Variants in FOXO3 observed in about 807,000 individuals in gnomAD.
The protein encoded by FOXO3 is forkhead box protein O3.
A neutral mutation model predicts 41.9 loss-of-function variants in FOXO3; 4 were observed. The observed-to-expected ratio is 0.10, with a 90% CI of 0.05 to 0.22. The LOEUF (loss-of-function observed/expected upper bound fraction) is 0.22, where lower values mean the gene tolerates loss of function less well. FOXO3 is among the 10% of genes least tolerant of loss of function. FOXO3 has a pLI of 1.00. For missense variants in FOXO3, 534 were observed against 906.8 expected, an observed-to-expected ratio of 0.59 and a Z score of 5.28; for synonymous variants, 318 against 389.3, an observed-to-expected ratio of 0.82 and a Z score of 2.16.
In FOXO3 at chr6:108,599,398, T is replaced by G. The variant is rs550293399; in HGVS notation, c.621+37569T>G. Reference sequence around the variant, plus strand: ...TTTGTGGATTTATATTTTGAATACATTATTTCTTATTTGAACGGTGCTCAA... The same window carrying G: ...TTTGTGGATTTATATTTTGAATACAGTATTTCTTATTTGAACGGTGCTCAA... On this transcript the variant is annotated intron_variant, in intron 1 of 2. Transcript: ENST00000406360. Among the ~76,000 whole-genome samples the G allele has an allele frequency of 1.1e-4, 17 of 152,360 alleles. No homozygotes were observed. In the South Asian group the frequency reaches 3.3e-3, roughly 30 times the overall value.
At chr6:108,624,728 C>T (rs922623067) in intron 1 of FOXO3, among the ~76,000 whole-genome samples, 6 of 152,030 alleles carry the variant, frequency 3.9e-5, no homozygotes, top group Non-Finnish European at 5.9e-5. Context: ...ATTACAAGTG[C>T]ATTCTTAACT....
chr6:108,620,851 T>C (rs1777645902), intron 1 of FOXO3, among the ~76,000 whole-genome samples: 1 of 152,206 alleles, frequency 6.6e-6, no homozygotes, highest in Non-Finnish European at 1.5e-5. Flanking sequence ...GGTGTTTTTA[T>C]TGAATAGTGT....
chr6:108,587,865 T>C (rs1052206916), intron 1 of FOXO3, among the ~76,000 whole-genome samples: 1 of 152,254 alleles, frequency 6.6e-6, no homozygotes, highest in Non-Finnish European at 1.5e-5. Flanking sequence ...AATATTTTTA[T>C]AGAAAACTTA....
intron 1 of FOXO3, among the ~76,000 whole-genome samples, chr6:108,571,179 A>G (rs1027754906): frequency 6.6e-6 from 1 of 152,242 alleles, no homozygotes; most frequent in African/African-American, 2.4e-5. Flanking sequence ...ATGTATGTAT[A>G]TTGCTCTCAG....
intron 1 of FOXO3, among the ~76,000 whole-genome samples, chr6:108,655,101 A>G (rs1011847264): frequency 4.6e-5 from 7 of 152,176 alleles, no homozygotes; most frequent in East Asian, 1.9e-4. Context: ...TTCTTTGGCT[A>G]TATCAATTCC....
Position 108,561,039 on chromosome 6 carries a change from G to GC in FOXO3, c.-167dup. On this transcript the variant is annotated 5_prime_UTR_variant, in exon 1 of 3. Coordinates refer to ENST00000406360, the MANE Select transcript of FOXO3 (RefSeq NM_001455.4). ...AGGACTCGCCGAGGACGGGGCTCCG[G>GC]CCCGGGATAACCAACTCTCCTTCTC... The GC allele has an allele frequency of 7.2e-7, 1 of 1,395,428 alleles. No homozygotes were observed. 86.4% of individuals were successfully genotyped at this position (1,395,428 alleles called of 1,614,324 possible).
chr6:108,677,488 G>GA (rs1455508361), intron 2 of FOXO3, among the ~76,000 whole-genome samples: 6 of 152,166 alleles, frequency 3.9e-5, no homozygotes, highest in African/African-American at 1.4e-4. Context: ...TGTACTTGGG[G>GA]AATGAAGTGT....
chr6:108,674,799 G>A (rs192996470), intron 2 of FOXO3, among the ~76,000 whole-genome samples: 37 of 152,122 alleles, frequency 2.4e-4, no homozygotes, highest in African/African-American at 4.8e-5. Context: ...ACCAGCTAAG[G>A]GTTTTGGATA....
rs189385071 is a variant in FOXO3, at chr6:108,573,014, C to T, written c.621+11185C>T. Among the ~76,000 whole-genome samples, 45 of 152,244 alleles carry T rather than the reference C, an allele frequency of 3.0e-4. 1 individual carries two copies. The highest frequency in any genetic ancestry group is 9.4e-4 in the African/African-American group (39 of 41,532). ...GAAATTAAAGAGCTTTTGGCCGGCG[C>T]GGTGGCTCACGCCTGTAATCCCAGC... On this transcript the variant is annotated intron_variant, in intron 1 of 2. Transcript: ENST00000406360.
In FOXO3 at chr6:108,617,392, GT is replaced by G. The variant is rs958321028; in HGVS notation, c.622-46054del. On this transcript the variant is annotated intron_variant, in intron 1 of 2. Coordinates refer to ENST00000406360, the MANE Select transcript of FOXO3 (RefSeq NM_001455.4). ...TACCAGGCATTGTGAATTTTACATA[GT>G]TTTTTTTTCATATTAAACAAGAAGT... Among the ~76,000 whole-genome samples, 203 of 150,366 alleles carry G rather than the reference GT, an allele frequency of 1.4e-3. 2 individuals carry two copies. Among genetic ancestry groups the G allele is most frequent in the African/African-American group, 4.5e-3 (186 of 41,006 alleles).
chr6:108,634,084 T>C (rs1348434939), intron 1 of FOXO3, among the ~76,000 whole-genome samples: 1 of 152,188 alleles, frequency 6.6e-6, no homozygotes, highest in Admixed American at 6.5e-5. Context: ...TGTGGTTTCA[T>C]TTATTGGCTA....
intron 1 of FOXO3, among the ~76,000 whole-genome samples, chr6:108,611,994 A>T (rs1020089824): frequency 6.6e-6 from 1 of 152,078 alleles, no homozygotes; most frequent in East Asian, 1.9e-4. Context: ...TATTGATTGC[A>T]TGTTTTCTTT....
At chr6:108,651,023 A>G (rs1582815426) in intron 1 of FOXO3, among the ~76,000 whole-genome samples, 1 of 152,208 alleles carries the variant, frequency 6.6e-6, no homozygotes, top group Non-Finnish European at 1.5e-5. Context: ...AATACTGAAT[A>G]TGCAGATGAG....
At chr6:108,674,885 G>A (rs1347976311) in intron 2 of FOXO3, among the ~76,000 whole-genome samples, 1 of 152,066 alleles carries the variant, frequency 6.6e-6, no homozygotes, top group East Asian at 1.9e-4. Context: ...TAAAAACTGG[G>A]CCTTTAAAAA....
Position 108,561,013 on chromosome 6 carries a change from G to A in FOXO3, c.-196G>A, listed in dbSNP as rs931879111. 3 of 1,374,288 alleles carry A rather than the reference G, an allele frequency of 2.2e-6. No homozygotes were observed. Among genetic ancestry groups the A allele is most frequent in the Admixed American group, 3.9e-5 (1 of 25,318 alleles). 85.1% of individuals were successfully genotyped at this position (1,374,288 alleles called of 1,614,324 possible). On this transcript the variant is annotated 5_prime_UTR_variant, in exon 1 of 3. Coordinates refer to ENST00000406360, the MANE Select transcript of FOXO3 (RefSeq NM_001455.4). ...GGACTGGGAGGTGGCGGCAGCGGGC[G>A]AGGACTCGCCGAGGACGGGGCTCCG... is the stretch of plus-strand genomic sequence containing the variant.
At chr6:108,580,183 A>ATTTTTTTTTTTTTTT (rs11395032) in intron 1 of FOXO3, among the ~76,000 whole-genome samples, 1 of 93,072 alleles carries the variant, frequency 1.1e-5, no homozygotes, top group Admixed American at 1.6e-4. Flanking sequence ...GCTCTTCTTC[A>ATTTTTTTTTTTTTTT]TTTTTTTTTT....
At chr6:108,561,850 G>A in intron 1 of FOXO3, 21 bp downstream of exon 1, 2 of 1,518,802 alleles carry the variant, frequency 1.3e-6, no homozygotes, top group Non-Finnish European at 1.8e-6. Flanking sequence ...ACCCCGGGCT[G>A]GCAGCAGGAC....
At chr6:108,656,574 G>A (rs1339269855) in intron 1 of FOXO3, 3 of 928,972 alleles carry the variant, frequency 3.2e-6, no homozygotes, top group East Asian at 2.3e-4. Flanking sequence ...GCTTCCGTGT[G>A]GGATCTAACA....
chr6:108,585,234 G>A (rs1228274300), intron 1 of FOXO3, among the ~76,000 whole-genome samples: 14 of 151,682 alleles, frequency 9.2e-5, no homozygotes, highest in Non-Finnish European at 2.1e-4. Context: ...TAGTAGAGAC[G>A]GGGTTTCACC....
Sources: gnomAD v4.1 joint callset for allele counts (sites outside exome capture counted in the v4.1 genomes callset) on GRCh38, gnomAD v4.1.1 for gene constraint, MANE v1.5 for transcripts, NCBI Gene and HGNC (gene_info 2026-07-23, HGNC 2026-07-21) for gene names.